CHD8: variants seen among roughly 807,000 people sequenced by gnomAD.
CHD8 encodes chromodomain helicase DNA binding protein 8, also known as ATP-dependent chromatin remodeler CHD8.
Under a neutral mutation model 279.2 loss-of-function variants are expected in CHD8, and 31 were observed. The observed-to-expected ratio is 0.11, with a 90% CI of 0.08 to 0.15. The LOEUF (loss-of-function observed/expected upper bound fraction) is 0.15, where lower values mean the gene tolerates loss of function less well. Ranked by LOEUF, CHD8 falls within the 10% of genes least tolerant of loss-of-function variation. The pLI is 1.00. For missense variants in CHD8, 2,146 were observed against 3,230.5 expected (o/e 0.66, Z 8.14); for synonymous variants, 1,081 against 1,139.6 (o/e 0.95, Z 1.04).
rs1191974190 is a variant in CHD8, at chr14:21,392,694, T to C, written c.6584A>G (p.Asn2195Ser). The change falls in exon 34 of 38, where the codon AAC becomes AGC. Residue 2195 changes from asparagine to serine, a missense_variant. This residue lies in a region of CHD8 where 513 missense variants were observed against 637.6 expected (regional missense o/e 0.80). Transcript: ENST00000646647. ...MVTGGILGPG[N>S]HLLDSPSLTP... ...CAATGAGGGACTGTCTAGCAAGTGG[T>C]TGCCTGGCCCCAAAATTCCTCCTGT... The C allele has an allele frequency of 6.2e-7, 1 of 1,614,010 alleles. No homozygotes were observed. Among genetic ancestry groups the C allele is most frequent in the Middle Eastern group, 1.7e-4 (1 of 6,060 alleles).
intron 1 of CHD8, among the ~76,000 whole-genome samples, chr14:21,441,670 C>CCT (rs1889968493): frequency 6.6e-6 from 1 of 151,880 alleles, no homozygotes; most frequent in Non-Finnish European, 1.5e-5. Context: ...GGGCATATCA[C>CCT]GAGGTCAGGA....
chr14:21,393,781 A>C lies in CHD8; in HGVS notation c.6014T>G (p.Val2005Gly). ...SPLPLRPDAP[V>G]EKSPEETATQ... is the part of the protein sequence containing the mutation. ...AGCTGTCTCCTCGGGTGACTTTTCA[A>C]CAGGAGCATCTGGGCGCAGGGGCAG... Residue 2005 changes from valine (V) to glycine (G), a missense_variant, in exon 32 of 38, where the codon GTT becomes GGT. Around this residue, in one of 26 missense-constraint regions of CHD8, gnomAD observed 513 missense variants for 637.6 expected, o/e 0.80. Transcript: ENST00000646647. 2 of 1,613,968 alleles carry C rather than the reference A, an allele frequency of 1.2e-6. No homozygotes were observed. Among genetic ancestry groups the C allele is most frequent in the South Asian group, 1.1e-5 (1 of 91,078 alleles).
Position 21,391,872 on chromosome 14 carries a change from C to T in CHD8, c.6846G>A (p.Leu2282=). The change falls in exon 35 of 38, where the codon CTG becomes CTA. Residue 2282 remains leucine (L), a synonymous_variant. Transcript: ENST00000646647. Reference sequence around the variant, plus strand: ...TTCTGTTCCCCTTCTTCTTATGAAACAGTGGATGTCCATCTCCCATTACTC... The same window carrying T: ...TTCTGTTCCCCTTCTTCTTATGAAATAGTGGATGTCCATCTCCCATTACTC... ...ANGVMGDGHP[L]FHKKKGNRKK... The T allele has an allele frequency of 6.2e-7, 1 of 1,613,798 alleles. No individual in the cohort carries two copies. Among genetic ancestry groups the T allele is most frequent in the Non-Finnish European group, 8.5e-7 (1 of 1,179,688 alleles).
intron 1 of CHD8, among the ~76,000 whole-genome samples, chr14:21,443,878 A>C (rs1345425218): frequency 2.0e-5 from 3 of 149,460 alleles, no homozygotes; most frequent in Admixed American, 6.6e-5. Flanking sequence ...AAAAAAAAAA[A>C]ACAACACTTT....
At position 21,403,808 on chromosome 14, in the gene CHD8, T is replaced by C. The variant is rs532234793; in HGVS notation, c.3308-145A>G. ...CACACAGAATTTCAGCACAAAAAAG[T>C]CTTAAATCGGCTGGGTACGGTGGCT... On this transcript the variant is annotated intron_variant, in intron 16 of 37. Transcript: ENST00000646647. The surrounding 1 kb of genome is among the most constrained non-coding windows in gnomAD (Gnocchi z 4.3). 2.6e-6 allele frequency: 2 copies of C among 767,520 alleles called. No homozygotes were observed. Among genetic ancestry groups the C allele is most frequent in the Admixed American group, 2.5e-5 (1 of 39,550 alleles). The allele number at this position is 767,520 out of a possible 1,614,324, so 47.5% of individuals were successfully genotyped here.
chr14:21,400,614 T>TA lies in CHD8; in HGVS notation c.4371-3dup. The TA allele has an allele frequency of 6.4e-7, 1 of 1,565,766 alleles. No homozygotes were observed. Reference sequence around the variant, plus strand: ...AAAATATCTCGCCATCGTCCCCAACTAAAAAACAGAAAACTATATTAACAT... The same window carrying TA: ...AAAATATCTCGCCATCGTCCCCAACTAAAAAAACAGAAAACTATATTAACAT... On this transcript the variant is annotated splice_region_variant and splice_polypyrimidine_tract_variant and intron_variant, in intron 22 of 37. Coordinates refer to ENST00000646647, the MANE Select transcript of CHD8 (RefSeq NM_001170629.2). This position sits in a 1 kb window ranked among gnomAD's most constrained non-coding sequence, Gnocchi z 4.2.
chr14:21,400,016 G>A lies in CHD8; in HGVS notation c.4782C>T (p.Asp1594=), dbSNP rs966963862. ...CACCCCCTAACACCTTTTCTGCTTG[G>A]TCTCCAATAACCTCCTGCCTCAGGT... ...LYYLRQEVIG[D]QAEKVLGGAI... is the part of the protein sequence containing the mutation. The change falls in exon 25 of 38, where the codon GAC becomes GAT. Residue 1594 remains aspartate (D), a synonymous_variant. Coordinates refer to ENST00000646647, the MANE Select transcript of CHD8 (RefSeq NM_001170629.2). The surrounding 1 kb of genome is among the most constrained non-coding windows in gnomAD (Gnocchi z 4.2). The A allele has an allele frequency of 6.2e-7, 1 of 1,613,334 alleles. No individual in the cohort carries two copies. Among genetic ancestry groups the A allele is most frequent in the Non-Finnish European group, 8.5e-7 (1 of 1,179,806 alleles).
At chr14:21,414,463 G>A in intron 8 of CHD8, 45 bp from the exon 9 acceptor site, 1 of 1,056,046 alleles carries the variant, frequency 9.5e-7, no homozygotes, top group East Asian at 2.6e-5. Flanking sequence ...GTAAAAGAAG[G>A]TGGCAGGCTA....
At chr14:21,414,092 A>G in intron 9 of CHD8, 1 of 493,622 alleles carries the variant, frequency 2.0e-6, no homozygotes, top group South Asian at 2.8e-5. Flanking sequence ...CAGTTTCAAA[A>G]TATCCTATAA....
intron 37 of CHD8, 83 bp from the exon 38 acceptor site, chr14:21,386,259 C>T (rs1594319006): frequency 7.5e-7 from 1 of 1,328,162 alleles, no homozygotes; most frequent in East Asian, 2.5e-5. Flanking sequence ...TCCTAGCTTA[C>T]AATGCTTTTT....
At chr14:21,424,151 A>ATT (rs1889188247) in intron 5 of CHD8, among the ~76,000 whole-genome samples, 1 of 152,200 alleles carries the variant, frequency 6.6e-6, no homozygotes, top group Non-Finnish European at 1.5e-5. Flanking sequence ...CAGTTCATAA[A>ATT]TTTCATCTTT....
In CHD8 at chr14:21,428,988, T is replaced by C; in HGVS notation, c.1191A>G (p.Pro397=). 1 of 1,614,016 alleles carries C rather than the reference T, an allele frequency of 6.2e-7. No homozygotes were observed. The highest frequency in any genetic ancestry group is 8.5e-7 in the Non-Finnish European group (1 of 1,179,876). Residue 397 remains proline (P), a synonymous_variant, in exon 3 of 38, where the codon CCA becomes CCG. Transcript: ENST00000646647. ...GQSPGQRLSV[P]VKVVLQPQAG... is the part of the protein sequence containing the mutation. ...CCTGTGGCTGCAGTACCACCTTGAC[T>C]GGTACTGAAAGTCTTTGTCCTGGGC...
chr14:21,407,139 C>T, intron 13 of CHD8, 107 bp from the exon 14 acceptor site: 2 of 828,004 alleles, frequency 2.4e-6, no homozygotes, highest in South Asian at 3.7e-5. Context: ...GCAATACAAA[C>T]TGCACCACCA....
chr14:21,447,757 T>C (rs34460976), intron 1 of CHD8, among the ~76,000 whole-genome samples: 37,277 of 151,686 alleles, frequency 0.25, 4,725 homozygotes, highest in East Asian at 0.3. Flanking sequence ...ATTTTTTTTT[T>C]CCCAGTAAAC....
At chr14:21,446,009 T>C (rs1294201273) in intron 1 of CHD8, among the ~76,000 whole-genome samples, 1 of 150,676 alleles carries the variant, frequency 6.6e-6, no homozygotes, top group Non-Finnish European at 1.5e-5. Flanking sequence ...AAAAAAAAGA[T>C]GGTGAGATCC....
Position 21,401,388 on chromosome 14 carries a change from A to G in CHD8, c.4173+15T>C. ...GGTCTTCTGCGATACTTCCTCCCTA[A>G]AAGAAGAAACTCACCTTGCTGTTGA... On this transcript the variant is annotated intron_variant, in intron 21 of 37. Transcript: ENST00000646647. 1.3e-6 allele frequency: 2 copies of G among 1,506,794 alleles called. No individual in the cohort carries two copies. The highest frequency in any genetic ancestry group is 4.3e-5 in the Admixed American group (2 of 46,354). 93.3% of individuals were successfully genotyped at this position (1,506,794 alleles called of 1,614,324 possible). A position where few individuals can be genotyped will look rare whatever the true frequency, so the allele number is the denominator to read the frequency against.
intron 37 of CHD8, 40 bp from the exon 38 acceptor site, chr14:21,386,216 G>A (rs1349618480): frequency 5.3e-6 from 8 of 1,507,360 alleles, no homozygotes; most frequent in Non-Finnish European, 6.2e-6. Flanking sequence ...AGAAAGAAAG[G>A]GGAAAAAAGA....
At chr14:21,425,964 G>GA (rs1889297534) in intron 5 of CHD8, 164 bp downstream of exon 5, 3 of 565,224 alleles carry the variant, frequency 5.3e-6, no homozygotes, top group Admixed American at 3.4e-5. Flanking sequence ...AACAACAACA[G>GA]AAAAAAGACA....
chr14:21,428,628 G>T (rs1184550099), intron 3 of CHD8, among the ~76,000 whole-genome samples: 3 of 152,100 alleles, frequency 2.0e-5, no homozygotes, highest in Admixed American at 1.3e-4. Context: ...GGGGAGGACT[G>T]ATCACTTATT....
Sources: allele counts gnomAD v4.1 joint callset (sites outside exome capture counted in the v4.1 genomes callset), GRCh38; gene constraint gnomAD v4.1.1; regional missense constraint gnomAD v4.1.1; non-coding constraint Gnocchi (gnomAD v3.1); transcripts MANE v1.5; gene names NCBI Gene and HGNC (gene_info 2026-07-23, HGNC 2026-07-21).